The following CLSTN1 variants were observed in gnomAD, a reference collection of about 807,000 sequenced individuals.
CLSTN1 encodes calsyntenin 1, also known as calsyntenin-1.
CLSTN1 carries 28 observed loss-of-function variants against 108.3 expected under a neutral mutation model. The observed-to-expected ratio is 0.26, with a 90% CI of 0.19 to 0.35. The LOEUF is 0.35. CLSTN1 is among the 10% of genes least tolerant of loss of function. The probability of loss-of-function intolerance (pLI) is 1.00; values close to 1 mark genes in which losing one functional copy is unlikely to be tolerated. For missense variants in CLSTN1, 1,157 were observed against 1,302.6 expected (o/e 0.89, Z 1.72); for synonymous variants, 524 against 534.9 (o/e 0.98, Z 0.28).
At position 9,781,781 on chromosome 1, in the gene CLSTN1, C is replaced by A. The variant is rs137862516; in HGVS notation, c.92-8387G>T. Among the ~76,000 whole-genome samples the A allele has an allele frequency of 9.2e-5, 14 of 152,092 alleles. No individual in the cohort carries two copies. The East Asian group carries it at 2.7e-3, about 29-fold the overall frequency. ...TAACGGCTCTAATGCTTCCACATCGCCATGTTCATATTTATGTATTCTTTA... is the reference window on the plus strand; with the variant it reads ...TAACGGCTCTAATGCTTCCACATCGACATGTTCATATTTATGTATTCTTTA... On this transcript the variant is annotated intron_variant, in intron 1 of 18. Coordinates refer to ENST00000377298, the MANE Select transcript of CLSTN1 (RefSeq NM_001009566.3).
chr1:9,788,886 A>C (rs1226668826), intron 1 of CLSTN1, among the ~76,000 whole-genome samples: 4 of 150,978 alleles, frequency 2.6e-5, no homozygotes, highest in Non-Finnish European at 5.9e-5. Flanking sequence ...AAAAAAAAAA[A>C]AACAAAAGGA....
intron 11 of CLSTN1, 47 bp downstream of exon 11, chr1:9,737,451 T>A: frequency 6.5e-7 from 1 of 1,549,766 alleles, no homozygotes; most frequent in Non-Finnish European, 8.9e-7. Flanking sequence ...ATCAGTCTCA[T>A]CTTTAAATGA....
upstream of CLSTN1, chr1:9,824,100 G>C (rs1311006798): frequency 6.8e-6 from 1 of 146,650 alleles, no homozygotes; most frequent in Admixed American, 6.7e-5. This position sits in a 1 kb window ranked among gnomAD's most constrained non-coding sequence, Gnocchi z 5.0. Context: ...CGGGAGGGGC[G>C]GGGGAGAGGA....
At position 9,802,674 on chromosome 1, in the gene CLSTN1, A is replaced by G. The variant is rs115462908; in HGVS notation, c.91+20969T>C. Among the ~76,000 whole-genome samples, 480 of 152,288 alleles carry G rather than the reference A, an allele frequency of 3.2e-3. 1 individual carries two copies. The highest frequency in any genetic ancestry group is 5.4e-3 in the Non-Finnish European group (367 of 68,032). On this transcript the variant is annotated intron_variant, in intron 1 of 18. Coordinates refer to ENST00000377298, the MANE Select transcript of CLSTN1 (RefSeq NM_001009566.3). ...TCCCACTGTTCATTCTACTTTCCCT[A>G]TTCTGAACTACGAAAATATCACACT... is the stretch of plus-strand genomic sequence containing the variant.
At position 9,734,734 on chromosome 1, in the gene CLSTN1, C is replaced by A. The variant is rs2101077578; in HGVS notation, c.2110+214G>T. Among the ~76,000 whole-genome samples, 1 of 152,188 alleles carries A rather than the reference C, an allele frequency of 6.6e-6. No homozygotes were observed. The highest frequency in any genetic ancestry group is 1.5e-5 in the Non-Finnish European group (1 of 68,016). ...GCCACATCTCAAAGCCTGGCAGCAA[C>A]CAGGAAAAGATGTAAGACCCCTCCA... On this transcript the variant is annotated intron_variant, in intron 14 of 18. Coordinates refer to ENST00000377298, the MANE Select transcript of CLSTN1 (RefSeq NM_001009566.3). The surrounding 1 kb of genome is among the most constrained non-coding windows in gnomAD (Gnocchi z 4.8).
At position 9,744,573 on chromosome 1, in the gene CLSTN1, G is replaced by A; in HGVS notation, c.1056C>T (p.Pro352=). 1 of 1,613,696 alleles carries A rather than the reference G, an allele frequency of 6.2e-7. No homozygotes were observed. The highest frequency in any genetic ancestry group is 8.5e-7 in the Non-Finnish European group (1 of 1,180,006). The change falls in exon 8 of 19, where the codon CCC becomes CCT. Residue 352 remains proline, a synonymous_variant. Coordinates refer to ENST00000377298, the MANE Select transcript of CLSTN1 (RefSeq NM_001009566.3). ...GGTCGCTGTCGTGGCCATTGTCGGT[G>A]GGCAGGCCCATGGTCCAGTTGAGGG... ...SGSLNWTMGL[P]TDNGHDSDQV... is the part of the protein sequence containing the mutation.
chr1:9,799,171 ACCC>A (rs1300977933), intron 1 of CLSTN1, among the ~76,000 whole-genome samples: 11 of 152,008 alleles, frequency 7.2e-5, no homozygotes, highest in Non-Finnish European at 1.5e-5. Flanking sequence ...ACAGAGCAAG[ACCC>A]TGTCTCAAAA....
intron 1 of CLSTN1, among the ~76,000 whole-genome samples, chr1:9,774,700 A>G (rs1404461024): frequency 6.6e-6 from 1 of 152,036 alleles, no homozygotes; most frequent in Non-Finnish European, 1.5e-5. Context: ...CCCCCGAGAC[A>G]GTGTTACTGA....
At chr1:9,785,449 A>G (rs1190212244) in intron 1 of CLSTN1, among the ~76,000 whole-genome samples, 1 of 152,208 alleles carries the variant, frequency 6.6e-6, no homozygotes, top group Non-Finnish European at 1.5e-5. Flanking sequence ...TTGAAACACC[A>G]AATACATAGC....
In CLSTN1 at chr1:9,741,165, G is replaced by A. The variant is rs542380649; in HGVS notation, c.1448C>T (p.Ser483Phe). The A allele has an allele frequency of 1.2e-6, 2 of 1,614,206 alleles. No homozygotes were observed. Among genetic ancestry groups the A allele is most frequent in the South Asian group, 2.2e-5 (2 of 91,082 alleles). Residue 483 changes from serine to phenylalanine, a missense_variant, in exon 10 of 19, where the codon TCT becomes TTT. Physicochemically the swap from Ser to Phe is radical, Grantham distance 155 (BLOSUM62 -2). Coordinates refer to ENST00000377298, the MANE Select transcript of CLSTN1 (RefSeq NM_001009566.3). ...YVDGTSHEPF[S>F]VTEDYPLHPS... Reference sequence around the variant, plus strand: ...ATGGAGCGGGTAATCCTCAGTCACAGAGAAGGGCTCGTGGGACGTGCCATC... The same window carrying A: ...ATGGAGCGGGTAATCCTCAGTCACAAAGAAGGGCTCGTGGGACGTGCCATC...
intron 11 of CLSTN1, 90 bp from the exon 12 acceptor site, chr1:9,736,132 G>T: frequency 6.7e-7 from 1 of 1,500,316 alleles, no homozygotes. Flanking sequence ...ACCGGTGCTG[G>T]CAGCTCAGTG....
intron 2 of CLSTN1, 73 bp downstream of exon 2, chr1:9,773,199 C>A: frequency 6.3e-7 from 1 of 1,594,324 alleles, no homozygotes; most frequent in Non-Finnish European, 8.6e-7. Flanking sequence ...CTCAGCATTA[C>A]CCAAATGGGA....
intron 1 of CLSTN1, among the ~76,000 whole-genome samples, chr1:9,780,519 C>T (rs918437699): frequency 1.3e-5 from 2 of 152,154 alleles, no homozygotes; most frequent in Non-Finnish European, 2.9e-5. Flanking sequence ...TCCCAGTATT[C>T]CAATTTTATA....
intron 1 of CLSTN1, among the ~76,000 whole-genome samples, chr1:9,796,120 G>T (rs903394451): frequency 6.6e-6 from 1 of 150,410 alleles, no homozygotes. Flanking sequence ...AAATTAGCTG[G>T]GCGTGGTGGT....
At chr1:9,750,012 G>A in intron 5 of CLSTN1, 99 bp from the exon 6 acceptor site, 3 of 954,506 alleles carry the variant, frequency 3.1e-6, no homozygotes, top group Non-Finnish European at 4.8e-6. Context: ...TTTAAGCCCT[G>A]TAAATACTCA....
intron 17 of CLSTN1, among the ~76,000 whole-genome samples, 154 bp from the exon 18 acceptor site, chr1:9,731,544 T>C (rs1345401411): frequency 6.6e-6 from 1 of 152,242 alleles, no homozygotes; most frequent in Admixed American, 6.5e-5. Context: ...AAGCTCGCCA[T>C]GGGCCTCCAA....
chr1:9,750,948 C>T (rs1341929186), intron 5 of CLSTN1, among the ~76,000 whole-genome samples: 1 of 151,750 alleles, frequency 6.6e-6, no homozygotes, highest in Non-Finnish European at 1.5e-5. Context: ...ACCTGTAATC[C>T]CAGCTACTCG....
chr1:9,745,908 A>C (rs975625971), intron 7 of CLSTN1, among the ~76,000 whole-genome samples: 1 of 151,198 alleles, frequency 6.6e-6, no homozygotes, highest in Non-Finnish European at 1.5e-5. Context: ...AGCTGGGACC[A>C]CAGGTGTGTG....
chr1:9,755,359 T>C (rs1406692822), intron 3 of CLSTN1, 50 bp from the exon 4 acceptor site: 1 of 1,476,060 alleles, frequency 6.8e-7, no homozygotes, highest in Non-Finnish European at 9.3e-7. Context: ...ATAGATCTTC[T>C]GCACCTTGCC....
Sources: gnomAD v4.1 joint callset for allele counts (sites outside exome capture counted in the v4.1 genomes callset) on GRCh38, gnomAD v4.1.1 for gene constraint, Gnocchi (gnomAD v3.1) non-coding constraint, MANE v1.5 for transcripts, NCBI Gene and HGNC (gene_info 2026-07-23, HGNC 2026-07-21) for gene names.